Variants in OR51B5 observed in about 807,000 individuals in gnomAD.
The protein encoded by OR51B5 is olfactory receptor family 51 subfamily B member 5.
For synonymous variants in OR51B5, 186 were observed against 144.8 expected (o/e 1.28, Z -2.04); for missense variants, 456 against 374.6 (o/e 1.22, Z -1.79).
intron 1 of OR51B5, among the ~76,000 whole-genome samples, chr11:5,472,873 G>A (rs1172066509): frequency 6.6e-6 from 1 of 152,172 alleles, no homozygotes; most frequent in East Asian, 1.9e-4. Flanking sequence ...GCACAACGGA[G>A]AGGAGCCTAA....
chr11:5,438,950 G>A (rs184427584), intron 1 of OR51B5, among the ~76,000 whole-genome samples: 39 of 152,304 alleles, frequency 2.6e-4, no homozygotes, highest in African/African-American at 9.1e-4. Context: ...TTAATAGACT[G>A]CAGAAAAGAA....
intron 1 of OR51B5, chr11:5,489,688 A>T (rs200377634): frequency 1.4e-6 from 2 of 1,473,408 alleles, no homozygotes; most frequent in Non-Finnish European, 9.4e-7. Context: ...TTGGAGATTT[A>T]AAAAAAAGTG....
intron 1 of OR51B5, among the ~76,000 whole-genome samples, chr11:5,386,826 G>C (rs1043851779): frequency 1.7e-4 from 22 of 130,644 alleles, no homozygotes; most frequent in Non-Finnish European, 2.7e-4. Flanking sequence ...GAGGGAGAGG[G>C]TTGAGTAGAG....
At chr11:5,454,501 A>C in intron 1 of OR51B5, 1 of 1,205,824 alleles carries the variant, frequency 8.3e-7, no homozygotes, top group Non-Finnish European at 1.2e-6. Flanking sequence ...CATCATCATC[A>C]AAGTATAAGA....
Position 5,352,297 on chromosome 11 carries a change from A to G in OR51B5, n.85-5387T>C, listed in dbSNP as rs760828496. 9.3e-6 allele frequency: 15 copies of G among 1,614,192 alleles called. No homozygotes were observed. The Admixed American group carries it at 2.5e-4, about 27-fold the overall frequency. On this transcript the variant is annotated intron_variant and non_coding_transcript_variant, in intron 1 of 4. Transcript: ENST00000415970. ...TCTGACATTTATTCATAGGTTTGGA[A>G]AGCATGTTCCTCATGTCGTTCACAT...
intron 1 of OR51B5, among the ~76,000 whole-genome samples, chr11:5,472,505 C>G (rs1851243326): frequency 6.6e-6 from 1 of 152,186 alleles, no homozygotes; most frequent in African/African-American, 2.4e-5. Flanking sequence ...ACTCCCTGCT[C>G]TGAGCTCTAT....
chr11:5,380,982 G>A (rs1260008461), intron 1 of OR51B5, among the ~76,000 whole-genome samples: 1 of 152,088 alleles, frequency 6.6e-6, no homozygotes, highest in East Asian at 1.9e-4. Flanking sequence ...AGACCTTGGG[G>A]ATTCAGTTCT....
intron 1 of OR51B5, among the ~76,000 whole-genome samples, chr11:5,474,829 C>T (rs1851281002): frequency 6.6e-6 from 1 of 152,122 alleles, no homozygotes; most frequent in African/African-American, 2.4e-5. Flanking sequence ...TCACAGTGAT[C>T]AGGACAACAG....
At chr11:5,374,839 G>T (rs955014846) in intron 1 of OR51B5, among the ~76,000 whole-genome samples, 1 of 152,128 alleles carries the variant, frequency 6.6e-6, no homozygotes, top group African/African-American at 2.4e-5. Flanking sequence ...TATGTGAAAA[G>T]ATCAAATCTA....
At chr11:5,454,516 T>G in intron 1 of OR51B5, 1 of 1,132,560 alleles carries the variant, frequency 8.8e-7, no homozygotes, top group Non-Finnish European at 1.3e-6. Flanking sequence ...ATAAGATAGA[T>G]TGTGTGCTGC....
At chr11:5,483,656 A>C (rs1481390290) in intron 1 of OR51B5, among the ~76,000 whole-genome samples, 2 of 151,584 alleles carry the variant, frequency 1.3e-5, no homozygotes, top group East Asian at 2.0e-4. Context: ...TTCCCTTGAA[A>C]ACTCACTGGA....
intron 1 of OR51B5, among the ~76,000 whole-genome samples, chr11:5,383,128 C>A (rs1849635942): frequency 6.6e-6 from 1 of 151,730 alleles, no homozygotes; most frequent in African/African-American, 2.4e-5. Flanking sequence ...CATTTGCTAC[C>A]AGAAAAGAAG....
rs551498259 is a variant in OR51B5 at position 5,448,606 on chromosome 11, GAGA to G, written n.84+56960_84+56962del. ...ACCAAGTGGAGAACAAGTAAAAAAT[GAGA>G]AGAAGCTTCTAAGAATAACCTATGA... is the stretch of plus-strand genomic sequence containing the variant. On this transcript the variant is annotated intron_variant and non_coding_transcript_variant, in intron 1 of 4. Transcript: ENST00000415970. Among the ~76,000 whole-genome samples, 356 of 152,304 alleles carry G rather than the reference GAGA, an allele frequency of 2.3e-3. 1 individual carries two copies. Among genetic ancestry groups the G allele is most frequent in the African/African-American group, 8.1e-3 (338 of 41,576 alleles).
At chr11:5,351,642 T>A (rs1193402627) in intron 1 of OR51B5, 2 of 1,614,014 alleles carry the variant, frequency 1.2e-6, no homozygotes, top group Non-Finnish European at 1.7e-6. Context: ...CTCTTCTCTT[T>A]CTCATCAGGA....
At chr11:5,340,775 G>A (rs1848881156), downstream of OR51B5, 1 of 152,098 alleles carries the variant, frequency 6.6e-6, no homozygotes, top group South Asian at 2.1e-4. Flanking sequence ...TTATGCCCTT[G>A]GAGGGAATAT....
intron 1 of OR51B5, among the ~76,000 whole-genome samples, chr11:5,350,036 T>C (rs995327482): frequency 5.9e-5 from 9 of 152,186 alleles, no homozygotes; most frequent in Non-Finnish European, 1.2e-4. Flanking sequence ...GGAAATCATT[T>C]GACACACCTC....
At chr11:5,453,857 T>C (rs150291324) in intron 1 of OR51B5, 2 of 1,614,240 alleles carry the variant, frequency 1.2e-6, no homozygotes, top group African/African-American at 1.3e-5. Context: ...TTGACCGCTA[T>C]GTGGCCATTT....
At chr11:5,458,258 G>A (rs1850991154) in intron 1 of OR51B5, among the ~76,000 whole-genome samples, 1 of 152,086 alleles carries the variant, frequency 6.6e-6, no homozygotes, top group Non-Finnish European at 1.5e-5. Context: ...TGTTGACTTT[G>A]TCAAAGATCA....
intron 1 of OR51B5, among the ~76,000 whole-genome samples, chr11:5,395,268 G>C (rs1849850500): frequency 6.6e-6 from 1 of 152,224 alleles, no homozygotes. Flanking sequence ...ACAGCATCCT[G>C]AGTCAAATGG....
Sources: gnomAD v4.1 joint callset for allele counts (sites outside exome capture counted in the v4.1 genomes callset) on GRCh38, gnomAD v4.1.1 for gene constraint, MANE v1.5 for transcripts, NCBI Gene and HGNC (gene_info 2026-07-23, HGNC 2026-07-21) for gene names.